Variants in CNIH1 observed in about 807,000 individuals in gnomAD.
CNIH1 encodes the protein protein cornichon homolog 1.
CNIH1 carries 12 observed loss-of-function variants against 20.2 expected under a neutral mutation model. The ratio of observed to expected loss-of-function variants is 0.59; its 90% CI spans 0.38 to 0.96. The LOEUF is 0.96. CNIH1 is among the 40% of genes least tolerant of loss of function. The pLI, the probability that CNIH1 is intolerant of heterozygous loss-of-function variation, is 0.00. For synonymous variants in CNIH1, 69 were observed against 63.3 expected, an observed-to-expected ratio of 1.09 and a Z score of -0.43; for missense variants, 152 against 178.8, an observed-to-expected ratio of 0.85 and a Z score of 0.85.
At chr14:54,439,684 G>T (rs1296855563) in intron 1 of CNIH1, among the ~76,000 whole-genome samples, 1 of 151,904 alleles carries the variant, frequency 6.6e-6, no homozygotes, top group Non-Finnish European at 1.5e-5. Flanking sequence ...CGAGTAGCTG[G>T]GATTACAGGC....
intron 2 of CNIH1, 46 bp from the exon 3 acceptor site, chr14:54,432,266 G>C: frequency 9.8e-7 from 1 of 1,018,196 alleles, no homozygotes; most frequent in Non-Finnish European, 1.4e-6. Context: ...TCAGCATTAA[G>C]TCAACTACTA....
rs79890403 is a variant in CNIH1, at chr14:54,427,531, C to T, written c.*283G>A. The T allele has an allele frequency of 5.9e-5, 25 of 422,756 alleles. No individual in the cohort carries two copies. In the East Asian group the frequency reaches 9.6e-4, roughly 16 times the overall value. The allele number at this position is 422,756 out of a possible 1,614,324, so 26.2% of individuals were successfully genotyped here. A position where few individuals can be genotyped will look rare whatever the true frequency, so the allele number is the denominator to read the frequency against. ...TAATGCATCATTCAGAGGATTATGG[C>T]TGTTCCTTAAGAAGTGCAAGTTCAA... On this transcript the variant is annotated 3_prime_UTR_variant, in exon 5 of 5. Transcript: ENST00000216416.
At position 54,440,169 on chromosome 14, in the gene CNIH1, G is replaced by C. The variant is rs187898485; in HGVS notation, c.81+1078C>G. Among the ~76,000 whole-genome samples the C allele has an allele frequency of 1.3e-3, 203 of 152,248 alleles. 1 individual carries two copies. The highest frequency in any genetic ancestry group is 4.7e-3 in the African/African-American group (194 of 41,546). On this transcript the variant is annotated intron_variant, in intron 1 of 4. Coordinates refer to ENST00000216416, the MANE Select transcript of CNIH1 (RefSeq NM_005776.3). The stretch of plus-strand genomic sequence containing the variant: ...GACGCTGCTGCTGTTTAATCATTCT[G>C]CCCCTCCGTATGTTTCATAGAAATC...
At chr14:54,438,115 G>A (rs1460148952) in intron 1 of CNIH1, among the ~76,000 whole-genome samples, 1 of 152,068 alleles carries the variant, frequency 6.6e-6, no homozygotes. Context: ...GAGTAGCTGG[G>A]ACTACAGGTG....
chr14:54,437,112 A>C (rs1012191649), intron 1 of CNIH1, among the ~76,000 whole-genome samples: 4 of 152,152 alleles, frequency 2.6e-5, no homozygotes, highest in African/African-American at 9.7e-5. Context: ...TTTTGTCCAC[A>C]CTCTGGAGGA....
At chr14:54,441,126 A>C in intron 1 of CNIH1, 121 bp downstream of exon 1, 226 of 956,898 alleles carry the variant, frequency 2.4e-4, no homozygotes, top group East Asian at 6.5e-4. Context: ...GGCCCGTGCC[A>C]GCCGGGCCGC....
At chr14:54,438,588 T>C (rs186030250) in intron 1 of CNIH1, among the ~76,000 whole-genome samples, 1 of 152,334 alleles carries the variant, frequency 6.6e-6, no homozygotes, top group East Asian at 1.9e-4. Flanking sequence ...AGAGCATCAA[T>C]GACATGAATT....
rs2030824210 is a variant in CNIH1 at position 54,426,222 on chromosome 14, CT to C, written c.*1591del. On this transcript the variant is annotated 3_prime_UTR_variant, in exon 5 of 5. Coordinates refer to ENST00000216416, the MANE Select transcript of CNIH1 (RefSeq NM_005776.3). ...TTCCTTGTTATGGAACAGTTTGAGT[CT>C]CTTCACTCTTCTGGTTCTAAATCTC... 1 of 152,164 alleles carries C rather than the reference CT, an allele frequency of 6.6e-6. No homozygotes were observed. The highest frequency in any genetic ancestry group is 2.4e-5 in the African/African-American group (1 of 41,442). The allele number at this position is 152,164 out of a possible 1,614,324, so 9.4% of individuals were successfully genotyped here.
intron 1 of CNIH1, 31 bp from the exon 2 acceptor site, chr14:54,436,468 T>C: frequency 8.3e-7 from 1 of 1,209,210 alleles, no homozygotes; most frequent in Non-Finnish European, 1.2e-6. Context: ...TTAGGACCAC[T>C]CACTTTAATT....
rs1214475174 is a variant in CNIH1 at position 54,427,694 on chromosome 14, T to C, written c.*120A>G. On this transcript the variant is annotated 3_prime_UTR_variant, in exon 5 of 5. Coordinates refer to ENST00000216416, the MANE Select transcript of CNIH1 (RefSeq NM_005776.3). The stretch of plus-strand genomic sequence containing the variant: ...AACATTTAAAAAATAAGGAGTCATT[T>C]TTTAAAGTAACTGATCAGATTCCAC... The C allele has an allele frequency of 9.5e-7, 1 of 1,054,978 alleles. No homozygotes were observed. The highest frequency in any genetic ancestry group is 1.4e-6 in the Non-Finnish European group (1 of 709,166). The allele number at this position is 1,054,978 out of a possible 1,614,324, so 65.4% of individuals were successfully genotyped here.
At position 54,425,379 on chromosome 14, in the gene CNIH1, A is replaced by G. The variant is rs960654126; in HGVS notation, c.*2435T>C. On this transcript the variant is annotated 3_prime_UTR_variant, in exon 5 of 5. Coordinates refer to ENST00000216416, the MANE Select transcript of CNIH1 (RefSeq NM_005776.3). Reference sequence around the variant, plus strand: ...ACATAATACCAAAAGTAACTGTAATAAGGAGAAAAAAAAAAAGAGTACCTA... The same window carrying G: ...ACATAATACCAAAAGTAACTGTAATGAGGAGAAAAAAAAAAAGAGTACCTA... The G allele has an allele frequency of 7.2e-6, 1 of 138,384 alleles. No individual in the cohort carries two copies. The highest frequency in any genetic ancestry group is 1.5e-5 in the Non-Finnish European group (1 of 64,994). 8.6% of individuals were successfully genotyped at this position (138,384 alleles called of 1,614,324 possible).
At position 54,427,914 on chromosome 14, in the gene CNIH1, A is replaced by G. The variant is rs946011381; in HGVS notation, c.408-73T>C. 10 of 1,372,448 alleles carry G rather than the reference A, an allele frequency of 7.3e-6. No individual in the cohort carries two copies. In the Admixed American group the frequency reaches 1.5e-4, roughly 21 times the overall value. The allele number at this position is 1,372,448 out of a possible 1,614,324, so 85.0% of individuals were successfully genotyped here. On this transcript the variant is annotated intron_variant, in intron 4 of 4. Coordinates refer to ENST00000216416, the MANE Select transcript of CNIH1 (RefSeq NM_005776.3). ...AAAAAAACTCAGAGCATGAGAGAGT[A>G]TGCTTTATATAGCAAACTAGTATCA...
At chr14:54,436,069 C>G (rs2031048901) in intron 2 of CNIH1, 1 of 702,070 alleles carries the variant, frequency 1.4e-6, no homozygotes, top group East Asian at 2.7e-5. Context: ...AACTAAAAAG[C>G]AGTACACACC....
Position 54,424,676 on chromosome 14 carries a change from T to C in CNIH1, c.*3138A>G, listed in dbSNP as rs779078203. 3.3e-5 allele frequency: 5 copies of C among 152,226 alleles called. No homozygotes were observed. The highest frequency in any genetic ancestry group is 7.3e-5 in the Non-Finnish European group (5 of 68,042). The allele number at this position is 152,226 out of a possible 1,614,324, so 9.4% of individuals were successfully genotyped here. A position where few individuals can be genotyped will look rare whatever the true frequency, so the allele number is the denominator to read the frequency against. ...AAATATTTGACATAGCTTCAAAATA[T>C]ATTGATTTGGGGAGCAGAGAAGAGC... On this transcript the variant is annotated 3_prime_UTR_variant, in exon 5 of 5. Coordinates refer to ENST00000216416, the MANE Select transcript of CNIH1 (RefSeq NM_005776.3).
At chr14:54,431,104 C>T (rs1393717942) in intron 3 of CNIH1, among the ~76,000 whole-genome samples, 1 of 152,054 alleles carries the variant, frequency 6.6e-6, no homozygotes, top group Non-Finnish European at 1.5e-5. Flanking sequence ...GGATTACAGA[C>T]ATGAGCCACT....
intron 4 of CNIH1, among the ~76,000 whole-genome samples, chr14:54,429,820 T>C (rs1045421089): frequency 3.3e-5 from 5 of 152,036 alleles, no homozygotes; most frequent in African/African-American, 7.2e-5. Context: ...CTTTCATTCA[T>C]ACCACTCAAA....
At chr14:54,437,457 G>A (rs547597934) in intron 1 of CNIH1, among the ~76,000 whole-genome samples, 1 of 151,866 alleles carries the variant, frequency 6.6e-6, no homozygotes, top group Admixed American at 6.5e-5. Flanking sequence ...TTAATTTCTA[G>A]AGTTCCATAA....
intron 4 of CNIH1, among the ~76,000 whole-genome samples, chr14:54,428,070 A>C (rs144305125): frequency 6.6e-6 from 1 of 152,314 alleles, no homozygotes; most frequent in Non-Finnish European, 1.5e-5. Flanking sequence ...TTTAGCAAGT[A>C]GAACGGCACA....
chr14:54,429,058 T>A (rs1335303203), intron 4 of CNIH1, among the ~76,000 whole-genome samples: 1 of 152,152 alleles, frequency 6.6e-6, no homozygotes, highest in African/African-American at 2.4e-5. Context: ...CCTCTCTAGT[T>A]GAGTATGTAT....
Sources: gnomAD v4.1 joint callset for allele counts (sites outside exome capture counted in the v4.1 genomes callset) on GRCh38, gnomAD v4.1.1 for gene constraint, MANE v1.5 for transcripts, NCBI Gene and HGNC (gene_info 2026-07-23, HGNC 2026-07-21) for gene names.